The following KCNN2 variants were observed in gnomAD, a reference collection of about 807,000 sequenced individuals.
KCNN2 encodes the protein small conductance calcium-activated potassium channel protein 2.
KCNN2 carries 24 observed loss-of-function variants against 55.5 expected under a neutral mutation model. The ratio of observed to expected loss-of-function variants is 0.43; its 90% confidence interval spans 0.31 to 0.61. The LOEUF is 0.61. KCNN2 is among the 20% of genes least tolerant of loss of function. KCNN2 has a pLI of 0.08. For synonymous variants in KCNN2, 431 were observed against 336.1 expected (o/e 1.28, Z -3.09); for missense variants, 754 against 853.6 (o/e 0.88, Z 1.45).
intron 2 of KCNN2, among the ~76,000 whole-genome samples, chr5:114,264,202 A>G (rs965898445): frequency 6.6e-6 from 1 of 152,096 alleles, no homozygotes; most frequent in Non-Finnish European, 1.5e-5. Flanking sequence ...CATCATTTCT[A>G]TGACTCTGTA....
chr5:114,484,527 T>C (rs964115722), intron 5 of KCNN2, among the ~76,000 whole-genome samples: 1 of 152,178 alleles, frequency 6.6e-6, no homozygotes, highest in Non-Finnish European at 1.5e-5. Context: ...AGTTTACATA[T>C]CACTTTCTTT....
At chr5:114,452,896 G>A (rs12522940) in intron 3 of KCNN2, among the ~76,000 whole-genome samples, 33,827 of 152,090 alleles carry the variant, frequency 0.22, 4,675 homozygotes, top group East Asian at 0.6. Context: ...ATGCTTATAT[G>A]TTCTAATTAA....
rs79639491 is a variant in KCNN2, at chr5:114,205,608, T to C, written c.-270-15872T>C. 2.5e-4 allele frequency among the ~76,000 whole-genome samples: 38 copies of C among 152,286 alleles called. No homozygotes were observed. In the East Asian group the frequency reaches 7.1e-3, roughly 29 times the overall value. On this transcript the variant is annotated intron_variant, in intron 1 of 10. Transcript: ENST00000512097. ...TGTAAATGAAATATTAAGCAGAACATGTCACTAGTATAAAGAGCTTTCAGA... is the reference window on the plus strand; with the variant it reads ...TGTAAATGAAATATTAAGCAGAACACGTCACTAGTATAAAGAGCTTTCAGA...
At chr5:114,122,725 C>G (rs1033824802) in intron 1 of KCNN2, among the ~76,000 whole-genome samples, 1 of 152,004 alleles carries the variant, frequency 6.6e-6, no homozygotes, top group African/African-American at 2.4e-5. Context: ...TATGAAGCAC[C>G]CTATTTCTCA....
chr5:114,199,172 A>T (rs1381127752), intron 1 of KCNN2, among the ~76,000 whole-genome samples: 1 of 152,148 alleles, frequency 6.6e-6, no homozygotes, highest in African/African-American at 2.4e-5. Context: ...TTATCATTGC[A>T]TAATGACCTT....
At chr5:114,241,808 A>T in intron 2 of KCNN2, among the ~76,000 whole-genome samples, 1 of 29,264 alleles carries the variant, frequency 3.4e-5, no homozygotes. Flanking sequence ...ATATATACGT[A>T]TATATATATA....
intron 7 of KCNN2, 67 bp from the exon 8 acceptor site, chr5:114,495,828 T>G (rs1327568068): frequency 1.2e-5 from 18 of 1,482,584 alleles, no homozygotes; most frequent in Non-Finnish European, 1.7e-5. Context: ...GAGCTAAACC[T>G]CTGAGAGGTG....
upstream of KCNN2, among the ~76,000 whole-genome samples, chr5:114,360,602 G>A (rs1229645290): frequency 6.6e-6 from 1 of 152,190 alleles, no homozygotes; most frequent in Non-Finnish European, 1.5e-5. Context: ...AGATGGAGCA[G>A]AAACAAAGAA....
intron 3 of KCNN2, among the ~76,000 whole-genome samples, chr5:114,435,456 A>C (rs1030539535): frequency 1.3e-5 from 2 of 152,152 alleles, no homozygotes; most frequent in African/African-American, 4.8e-5. Flanking sequence ...CCTTTGGGCC[A>C]GAAACTGGTA....
intron 1 of KCNN2, among the ~76,000 whole-genome samples, chr5:114,160,993 A>G (rs915955827): frequency 1.3e-5 from 2 of 152,162 alleles, no homozygotes; most frequent in Non-Finnish European, 2.9e-5. Context: ...TGGAGCATTT[A>G]GTCCATTTAC....
intron 1 of KCNN2, among the ~76,000 whole-genome samples, chr5:114,218,793 G>T (rs181760359): frequency 2.2e-4 from 33 of 152,316 alleles, no homozygotes; most frequent in Admixed American, 1.0e-3. Context: ...TCTTGTGTGG[G>T]ATGCTGAAAT....
intron 3 of KCNN2, among the ~76,000 whole-genome samples, chr5:114,426,276 G>T (rs1042451471): frequency 6.6e-6 from 1 of 152,124 alleles, no homozygotes; most frequent in Non-Finnish European, 1.5e-5. Context: ...TACTTTTCTT[G>T]TGTCTATCAA....
chr5:114,146,576 C>T (rs1000997996), intron 1 of KCNN2, among the ~76,000 whole-genome samples: 3 of 152,032 alleles, frequency 2.0e-5, no homozygotes, highest in Non-Finnish European at 4.4e-5. Context: ...GTGACATGCA[C>T]GTAAGCTAAT....
chr5:114,297,177 G>A (rs1012652603), intron 2 of KCNN2, among the ~76,000 whole-genome samples: 2 of 151,880 alleles, frequency 1.3e-5, no homozygotes, highest in African/African-American at 4.8e-5. Context: ...TAAAACTGTG[G>A]CTGAATGTGG....
At chr5:114,202,601 T>TTTTTTTTTTTTC (rs70976320) in intron 1 of KCNN2, among the ~76,000 whole-genome samples, 31 of 141,086 alleles carry the variant, frequency 2.2e-4, no homozygotes, top group African/African-American at 8.6e-4. Context: ...TTTTTTTTTT[T>TTTTTTTTTTTTC]CCCGAGACAG....
chr5:114,080,195 T>C (rs1380043539), intron 1 of KCNN2, among the ~76,000 whole-genome samples: 1 of 152,200 alleles, frequency 6.6e-6, no homozygotes, highest in Non-Finnish European at 1.5e-5. Flanking sequence ...CGAATGGTTG[T>C]GGATGAGACA....
At chr5:114,087,458 G>T (rs1751040337) in intron 1 of KCNN2, among the ~76,000 whole-genome samples, 1 of 152,012 alleles carries the variant, frequency 6.6e-6, no homozygotes, top group Non-Finnish European at 1.5e-5. Flanking sequence ...TTTGTATATG[G>T]TAAAAGGTAG....
intron 1 of KCNN2, among the ~76,000 whole-genome samples, chr5:114,070,943 A>G (rs1302360333): frequency 5.3e-5 from 8 of 152,204 alleles, no homozygotes. Context: ...AATTTTCAAC[A>G]TATTCGTATA....
At chr5:114,224,963 A>T (rs978552310) in intron 2 of KCNN2, among the ~76,000 whole-genome samples, 1 of 152,206 alleles carries the variant, frequency 6.6e-6, no homozygotes, top group African/African-American at 2.4e-5. Context: ...CTAGATAGTA[A>T]AACAGTGATG....
Sources: allele counts gnomAD v4.1 joint callset (sites outside exome capture counted in the v4.1 genomes callset), GRCh38; gene constraint gnomAD v4.1.1; transcripts MANE v1.5; gene names NCBI Gene and HGNC (gene_info 2026-07-23, HGNC 2026-07-21).